The following KCNS3 variants were observed in gnomAD, a reference collection of about 807,000 sequenced individuals.
The protein encoded by KCNS3 is delayed-rectifier potassium channel regulatory subunit KCNS3.
In KCNS3, 13 loss-of-function variants were observed where a neutral mutation model predicts 31.0. The observed-to-expected ratio is 0.42, with a 90% CI of 0.27 to 0.67. The LOEUF (loss-of-function observed/expected upper bound fraction) is 0.67, where lower values mean the gene tolerates loss of function less well. Ranked by LOEUF, KCNS3 falls within the 30% of genes least tolerant of loss-of-function variation. The pLI is 0.25. For missense variants in KCNS3, 545 were observed against 622.4 expected (o/e 0.88, Z 1.32); for synonymous variants, 238 against 241.5 (o/e 0.99, Z 0.13).
At chr2:17,923,231 A>G (rs1448861699) in intron 2 of KCNS3, among the ~76,000 whole-genome samples, 1 of 152,188 alleles carries the variant, frequency 6.6e-6, no homozygotes, top group East Asian at 1.9e-4. Flanking sequence ...GATGTTGAGC[A>G]TCTTTTCAAG....
At chr2:17,904,054 A>G (rs1456613783) in intron 1 of KCNS3, among the ~76,000 whole-genome samples, 1 of 152,160 alleles carries the variant, frequency 6.6e-6, no homozygotes, top group East Asian at 1.9e-4. Flanking sequence ...CAATGGTTGA[A>G]CTAGTTTACA....
At chr2:17,918,334 T>G (rs1022218497) in intron 2 of KCNS3, among the ~76,000 whole-genome samples, 2 of 152,172 alleles carry the variant, frequency 1.3e-5, no homozygotes, top group African/African-American at 2.4e-5. Context: ...TTCAAACATG[T>G]TGGATCAATT....
chr2:17,892,671 C>T (rs1221275516), intron 1 of KCNS3, among the ~76,000 whole-genome samples: 1 of 152,128 alleles, frequency 6.6e-6, no homozygotes, highest in African/African-American at 2.4e-5. Flanking sequence ...AATGTGGCTT[C>T]CTGTGAGCTG....
intron 1 of KCNS3, among the ~76,000 whole-genome samples, chr2:17,908,461 G>A (rs1042209212): frequency 1.2e-4 from 19 of 152,268 alleles, no homozygotes; most frequent in African/African-American, 3.9e-4. Flanking sequence ...TTCTCAACTC[G>A]TCAAAGACAT....
At chr2:17,896,258 A>C (rs1249206601) in intron 1 of KCNS3, among the ~76,000 whole-genome samples, 1 of 152,000 alleles carries the variant, frequency 6.6e-6, no homozygotes, top group Non-Finnish European at 1.5e-5. Context: ...TGTGTTGCCC[A>C]GACTGGTCTT....
chr2:17,929,952 G>A (rs1357595038), intron 2 of KCNS3, among the ~76,000 whole-genome samples: 1 of 152,158 alleles, frequency 6.6e-6, no homozygotes, highest in African/African-American at 2.4e-5. Flanking sequence ...AGTATCAGGT[G>A]GGGACTCAGT....
chr2:17,914,153 G>A (rs1361522187), intron 1 of KCNS3, among the ~76,000 whole-genome samples: 1 of 152,170 alleles, frequency 6.6e-6, no homozygotes, highest in Non-Finnish European at 1.5e-5. Flanking sequence ...GTAGGAGGTT[G>A]ACTTGCATTG....
rs1332441379 is a variant in KCNS3 at position 17,883,833 on chromosome 2, A to G, written c.-252+5027A>G. Among the ~76,000 whole-genome samples, 5 of 152,292 alleles carry G rather than the reference A, an allele frequency of 3.3e-5. No homozygotes were observed. In the East Asian group the frequency reaches 7.7e-4, roughly 24 times the overall value. ...TATGTTTATTGCGGCACTATTCACAATAGCAAAGACTTGGAAACAACCCAA... is the reference window on the plus strand; with the variant it reads ...TATGTTTATTGCGGCACTATTCACAGTAGCAAAGACTTGGAAACAACCCAA... On this transcript the variant is annotated intron_variant, in intron 1 of 2. Transcript: ENST00000304101.
chr2:17,881,179 G>C (rs1347670738), intron 1 of KCNS3, among the ~76,000 whole-genome samples: 1 of 152,210 alleles, frequency 6.6e-6, no homozygotes, highest in African/African-American at 2.4e-5. Context: ...TGTTGAGTCA[G>C]ATGGGAGGCC....
intron 1 of KCNS3, among the ~76,000 whole-genome samples, chr2:17,911,165 C>T (rs1662463701): frequency 6.6e-6 from 1 of 152,182 alleles, no homozygotes; most frequent in Admixed American, 6.5e-5. Context: ...GTCTCTGTAC[C>T]TTTTCCCATG....
Position 17,930,948 on chromosome 2 carries a change from A to G in KCNS3, c.-59-2A>G. 8 of 1,556,390 alleles carry G rather than the reference A, an allele frequency of 5.1e-6. No homozygotes were observed. The highest frequency in any genetic ancestry group is 7.0e-6 in the Non-Finnish European group (8 of 1,148,644). On this transcript the variant is annotated splice_acceptor_variant, in intron 2 of 2. Transcript: ENST00000304101. LOFTEE classifies it low-confidence loss of function (5UTR_SPLICE). The stretch of plus-strand genomic sequence containing the variant: ...GCTAATATCATCTTGTGCTCTTTCC[A>G]GGTGCAGCCTGATCTTCCTCTTCTC...
chr2:17,898,711 T>C (rs539498700), intron 1 of KCNS3, among the ~76,000 whole-genome samples: 1 of 152,172 alleles, frequency 6.6e-6, no homozygotes, highest in Non-Finnish European at 1.5e-5. Context: ...CACGAGGACA[T>C]TATTTTCAGA....
intron 1 of KCNS3, among the ~76,000 whole-genome samples, chr2:17,908,556 T>C (rs1218915338): frequency 6.6e-6 from 1 of 152,164 alleles, no homozygotes; most frequent in African/African-American, 2.4e-5. Context: ...GAATTTTCAG[T>C]TTTTCTGCTC....
intron 1 of KCNS3, among the ~76,000 whole-genome samples, chr2:17,884,526 T>A (rs930342721): frequency 6.6e-6 from 1 of 151,606 alleles, no homozygotes; most frequent in Non-Finnish European, 1.5e-5. Flanking sequence ...TTTGGAGGTG[T>A]GTTGTGTGTT....
chr2:17,928,371 A>T (rs1389393785), intron 2 of KCNS3, among the ~76,000 whole-genome samples: 1 of 152,064 alleles, frequency 6.6e-6, no homozygotes, highest in African/African-American at 2.4e-5. Flanking sequence ...GGTTCAAGTG[A>T]TTCTCATGCC....
chr2:17,901,734 C>A (rs887328400), intron 1 of KCNS3, among the ~76,000 whole-genome samples: 9 of 152,120 alleles, frequency 5.9e-5, no homozygotes, highest in Non-Finnish European at 5.9e-5. Context: ...TGTGTCCAGG[C>A]TGCAGATGTC....
intron 1 of KCNS3, among the ~76,000 whole-genome samples, chr2:17,884,926 C>T (rs1334527224): frequency 8.2e-6 from 1 of 121,812 alleles, no homozygotes; most frequent in African/African-American, 3.2e-5. Context: ...CTTGTCCTTC[C>T]CTGTTGTTTT....
rs5829612 is a variant in KCNS3, at chr2:17,893,940, G to GTTT, written c.-252+15158_-252+15160dup. On this transcript the variant is annotated intron_variant, in intron 1 of 2. Coordinates refer to ENST00000304101, the MANE Select transcript of KCNS3 (RefSeq NM_002252.5). ...CCCTCTGCCATGATCCCAGGAGCCA[G>GTTT]TTTTTTTTTTTTTTTTTTTTTTTTT... 1.2e-3 allele frequency among the ~76,000 whole-genome samples: 122 copies of GTTT among 98,894 alleles called. 1 individual carries two copies. Among genetic ancestry groups the GTTT allele is most frequent in the Non-Finnish European group, 1.4e-3 (79 of 55,382 alleles). 64.9% of individuals were successfully genotyped at this position (98,894 alleles called of 152,430 possible).
intron 2 of KCNS3, among the ~76,000 whole-genome samples, chr2:17,920,384 C>T (rs1436738865): frequency 6.6e-6 from 1 of 152,102 alleles, no homozygotes; most frequent in Non-Finnish European, 1.5e-5. Context: ...TGAAAAGACA[C>T]AATTTTGAGA....
Sources: allele counts gnomAD v4.1 joint callset (sites outside exome capture counted in the v4.1 genomes callset), GRCh38; gene constraint gnomAD v4.1.1; transcripts MANE v1.5; gene names NCBI Gene and HGNC (gene_info 2026-07-23, HGNC 2026-07-21).